Variants in ALK observed in about 807,000 individuals in gnomAD.
ALK encodes the protein ALK tyrosine kinase receptor.
A neutral mutation model predicts 163.1 loss-of-function variants in ALK; 74 were observed. The ratio of observed to expected loss-of-function variants is 0.45; its 90% confidence interval spans 0.38 to 0.55. The LOEUF (loss-of-function observed/expected upper bound fraction) is 0.55. Ranked by LOEUF, ALK falls within the 20% of genes least tolerant of loss-of-function variation. ALK has a pLI of 0.00. For missense variants in ALK, 2,063 were observed against 2,105.3 expected (o/e 0.98, Z 0.39); for synonymous variants, 960 against 843.2 (o/e 1.14, Z -2.40).
At chr2:29,657,256 A>G (rs1277242849) in intron 3 of ALK, among the ~76,000 whole-genome samples, 1 of 152,170 alleles carries the variant, frequency 6.6e-6, no homozygotes, top group Non-Finnish European at 1.5e-5. Context: ...ACTGAGAGGC[A>G]GCTGTTGTGG....
At chr2:29,578,818 G>T (rs1165503150) in intron 3 of ALK, among the ~76,000 whole-genome samples, 1 of 152,178 alleles carries the variant, frequency 6.6e-6, no homozygotes, top group Non-Finnish European at 1.5e-5. Flanking sequence ...AAGGTCACCC[G>T]CTGGTTAGTG....
chr2:29,904,244 A>G (rs979082918), intron 1 of ALK, among the ~76,000 whole-genome samples: 2 of 152,230 alleles, frequency 1.3e-5, no homozygotes, highest in African/African-American at 4.8e-5. Context: ...CAACATGAAT[A>G]AATAAATAAA....
At chr2:29,827,493 T>C (rs768537392) in intron 1 of ALK, among the ~76,000 whole-genome samples, 2 of 152,182 alleles carry the variant, frequency 1.3e-5, no homozygotes, top group African/African-American at 2.4e-5. Context: ...AGAGATGCTG[T>C]TTTCTGATTA....
chr2:29,441,187 A>C (rs1670532945), intron 4 of ALK, among the ~76,000 whole-genome samples: 1 of 152,250 alleles, frequency 6.6e-6, no homozygotes, highest in Admixed American at 6.5e-5. Flanking sequence ...GCCAACAAGA[A>C]TACAGCACAT....
At chr2:29,812,153 A>G (rs777117763) in intron 1 of ALK, among the ~76,000 whole-genome samples, 6 of 152,164 alleles carry the variant, frequency 3.9e-5, no homozygotes, top group Middle Eastern at 3.2e-3. Flanking sequence ...ACTCACCCAT[A>G]TCTCCTTCAC....
At chr2:29,381,186 A>G (rs995971650) in intron 5 of ALK, among the ~76,000 whole-genome samples, 1 of 152,256 alleles carries the variant, frequency 6.6e-6, no homozygotes. Context: ...TGTGAGCTTC[A>G]GTTTCCCCAT....
chr2:29,207,039 G>A, intron 26 of ALK, 132 bp downstream of exon 26: 2 of 740,096 alleles, frequency 2.7e-6, no homozygotes, highest in Admixed American at 2.0e-5. Context: ...AACCACTGTT[G>A]TCGGGTGTAT....
At chr2:29,306,522 C>T (rs1000996764) in intron 8 of ALK, among the ~76,000 whole-genome samples, 2 of 152,342 alleles carry the variant, frequency 1.3e-5, no homozygotes, top group Middle Eastern at 3.4e-3. Flanking sequence ...GGGCCTGCCC[C>T]AGCTCTTCTG....
rs569291133 is a variant in ALK at position 29,451,118 on chromosome 2, G to A, written c.1155-67259C>T. Among the ~76,000 whole-genome samples the A allele has an allele frequency of 5.3e-5, 8 of 152,200 alleles. 1 individual carries two copies. In the East Asian group the frequency reaches 1.5e-3, roughly 29 times the overall value. ...TAAGTGGTGTGTTTTCTAATCTCAG[G>A]TTTATTTCTGAATGTTATATTTCAA... On this transcript the variant is annotated intron_variant, in intron 4 of 28. Transcript: ENST00000389048.
intron 8 of ALK, among the ~76,000 whole-genome samples, chr2:29,311,943 A>C (rs895505090): frequency 6.6e-6 from 1 of 152,116 alleles, no homozygotes; most frequent in Admixed American, 6.5e-5. Context: ...TCCCATGCCC[A>C]TGCTGGCTGG....
intron 3 of ALK, among the ~76,000 whole-genome samples, chr2:29,571,602 CTTTTTTTTTTT>C (rs60429543): frequency 2.6e-4 from 18 of 68,528 alleles, no homozygotes; most frequent in African/African-American, 4.4e-4. Flanking sequence ...TGGCTCATAT[CTTTTTTTTTTT>C]TTTTTTTTTT....
At position 29,212,308 on chromosome 2, in the gene ALK, C is replaced by G. The variant is rs559394815; in HGVS notation, c.3743+1676G>C. 7.9e-5 allele frequency among the ~76,000 whole-genome samples: 12 copies of G among 152,238 alleles called. No individual in the cohort carries two copies. In the South Asian group the frequency reaches 2.5e-3, roughly 32 times the overall value. ...AGCAATGGAATGGCAAAGCCCAGAG[C>G]TGAGATTTATGGAAAGTTCTGGGTA... On this transcript the variant is annotated intron_variant, in intron 24 of 28. Coordinates refer to ENST00000389048, the MANE Select transcript of ALK (RefSeq NM_004304.5).
chr2:29,857,976 C>T (rs886389979), intron 1 of ALK, among the ~76,000 whole-genome samples: 1 of 152,160 alleles, frequency 6.6e-6, no homozygotes, highest in African/African-American at 2.4e-5. Context: ...AATAGCATAA[C>T]CAGGATACTG....
intron 4 of ALK, among the ~76,000 whole-genome samples, chr2:29,423,421 G>A (rs909264221): frequency 6.6e-6 from 1 of 152,214 alleles, no homozygotes; most frequent in African/African-American, 2.4e-5. Flanking sequence ...CATTGCAGCA[G>A]ACAGTGTCCA....
intron 8 of ALK, among the ~76,000 whole-genome samples, chr2:29,299,748 C>T (rs939617532): frequency 6.6e-6 from 1 of 152,202 alleles, no homozygotes; most frequent in Non-Finnish European, 1.5e-5. Context: ...TTCACTCATA[C>T]TTTGCATATT....
chr2:29,630,968 T>C (rs1182024767), intron 3 of ALK, among the ~76,000 whole-genome samples: 1 of 152,216 alleles, frequency 6.6e-6, no homozygotes, highest in Non-Finnish European at 1.5e-5. Flanking sequence ...TCAAGAAAGG[T>C]AGCAATTTAA....
At chr2:29,577,245 C>A (rs1674550363) in intron 3 of ALK, among the ~76,000 whole-genome samples, 1 of 152,114 alleles carries the variant, frequency 6.6e-6, no homozygotes, top group African/African-American at 2.4e-5. Context: ...CTTTGGCCTG[C>A]CCTTCACTCT....
At chr2:29,698,111 C>G (rs150892686) in intron 2 of ALK, among the ~76,000 whole-genome samples, 1 of 152,200 alleles carries the variant, frequency 6.6e-6, no homozygotes, top group African/African-American at 2.4e-5. Context: ...ATTCAGACAA[C>G]TTGCCTTCAT....
intron 3 of ALK, among the ~76,000 whole-genome samples, chr2:29,588,862 A>G (rs899552886): frequency 6.6e-6 from 1 of 152,244 alleles, no homozygotes; most frequent in African/African-American, 2.4e-5. Context: ...TGTAAAAACC[A>G]TTCTTAACTT....
Sources: gnomAD v4.1 joint callset for allele counts (sites outside exome capture counted in the v4.1 genomes callset) on GRCh38, gnomAD v4.1.1 for gene constraint, MANE v1.5 for transcripts, NCBI Gene and HGNC (gene_info 2026-07-23, HGNC 2026-07-21) for gene names.